ZNF475: variants seen among roughly 807,000 people sequenced by gnomAD.
ZNF475 encodes zinc finger protein 475.
At chr5:122,182,447 T>A in the ZNF475 span, 1 of 1,418,456 alleles carries the variant, frequency 7.0e-7, no homozygotes, top group Non-Finnish European at 9.3e-7. Context: ...TTTTGGTATT[T>A]TTTTTTCTTT....
At chr5:122,172,915 C>T in the ZNF475 span, among the ~76,000 whole-genome samples, 1 of 152,094 alleles carries the variant, frequency 6.6e-6, no homozygotes, top group African/African-American at 2.4e-5. Context: ...CACCTGTTGA[C>T]CCAGGTACTC....
At chr5:122,180,824 C>T in the ZNF475 span, among the ~76,000 whole-genome samples, 3 of 152,262 alleles carry the variant, frequency 2.0e-5, no homozygotes, top group East Asian at 5.8e-4. Flanking sequence ...TGCTAGATCC[C>T]AGCTACTCAC....
chr5:122,163,703 CCT>C, the ZNF475 span, among the ~76,000 whole-genome samples: 1 of 152,150 alleles, frequency 6.6e-6, no homozygotes, highest in Non-Finnish European at 1.5e-5. Context: ...CAAGATGTGC[CCT>C]GTTTTTGACA....
chr5:122,169,280 TC>T, the ZNF475 span, among the ~76,000 whole-genome samples: 1 of 152,348 alleles, frequency 6.6e-6, no homozygotes, highest in South Asian at 2.1e-4. Flanking sequence ...TGGCTTCTGA[TC>T]AAAACACTTC....
chr5:122,172,936 G>A, the ZNF475 span, among the ~76,000 whole-genome samples: 1 of 152,240 alleles, frequency 6.6e-6, no homozygotes, highest in East Asian at 1.9e-4. Context: ...GGGAGGCTGA[G>A]GCAGGAGAAT....
chr5:122,173,476 G>T, the ZNF475 span, among the ~76,000 whole-genome samples: 1 of 152,154 alleles, frequency 6.6e-6, no homozygotes, highest in African/African-American at 2.4e-5. Flanking sequence ...ACAATGAAGG[G>T]ATGGATGCCA....
the ZNF475 span, among the ~76,000 whole-genome samples, chr5:122,169,324 A>G: frequency 1.3e-5 from 2 of 152,186 alleles, no homozygotes; most frequent in South Asian, 2.1e-4. Flanking sequence ...TTGTGGCACT[A>G]TGTCCCCATA....
At chr5:122,166,589 G>A in the ZNF475 span, among the ~76,000 whole-genome samples, 1 of 151,804 alleles carries the variant, frequency 6.6e-6, no homozygotes, top group East Asian at 1.9e-4. Flanking sequence ...GAGAACATGC[G>A]GTGTTTGGTT....
chr5:122,172,813 C>T, the ZNF475 span, among the ~76,000 whole-genome samples: 1 of 152,116 alleles, frequency 6.6e-6, no homozygotes, highest in Non-Finnish European at 1.5e-5. Flanking sequence ...GCGGATGGAT[C>T]ACGAGGTCAG....
At chr5:122,169,655 A>C in the ZNF475 span, among the ~76,000 whole-genome samples, 3 of 152,182 alleles carry the variant, frequency 2.0e-5, no homozygotes, top group Non-Finnish European at 4.4e-5. Context: ...CCAAGTTTGC[A>C]CAAAACAGTC....
the ZNF475 span, among the ~76,000 whole-genome samples, chr5:122,175,591 C>T: frequency 1.3e-5 from 2 of 152,158 alleles, no homozygotes; most frequent in African/African-American, 4.8e-5. Flanking sequence ...ATTCAAATCT[C>T]TTCATTCTCT....
the ZNF475 span, among the ~76,000 whole-genome samples, chr5:122,168,479 G>A: frequency 2.2e-4 from 34 of 152,336 alleles, no homozygotes; most frequent in African/African-American, 7.5e-4. Context: ...GTGAGGCCAA[G>A]GTGGATGGAT....
the ZNF475 span, among the ~76,000 whole-genome samples, chr5:122,174,418 AT>A: frequency 6.6e-6 from 1 of 152,122 alleles, no homozygotes; most frequent in Non-Finnish European, 1.5e-5. Flanking sequence ...ACGTGGATGT[AT>A]TTTTCTCTTC....
chr5:122,167,776 C>G, the ZNF475 span, among the ~76,000 whole-genome samples: 4 of 152,170 alleles, frequency 2.6e-5, no homozygotes, highest in Non-Finnish European at 5.9e-5. Flanking sequence ...ATTTTCATTA[C>G]CTTCCAAAAT....
the ZNF475 span, among the ~76,000 whole-genome samples, chr5:122,172,621 A>G: frequency 1.3e-5 from 2 of 152,168 alleles, no homozygotes; most frequent in African/African-American, 2.4e-5. Context: ...ACCAATTTCT[A>G]TTTCATGAGG....
At chr5:122,179,761 T>C in the ZNF475 span, 34 of 1,427,962 alleles carry the variant, frequency 2.4e-5, no homozygotes, top group Non-Finnish European at 2.9e-5. Flanking sequence ...TTTGAGTGCA[T>C]AAGGGGAGAC....
chr5:122,170,998 G>A, the ZNF475 span, among the ~76,000 whole-genome samples: 1 of 152,224 alleles, frequency 6.6e-6, no homozygotes, highest in African/African-American at 2.4e-5. Context: ...GTGTCAGGAA[G>A]TAGGTGCAGA....
At chr5:122,171,044 G>A in the ZNF475 span, among the ~76,000 whole-genome samples, 1 of 152,096 alleles carries the variant, frequency 6.6e-6, no homozygotes. Flanking sequence ...CCACAGCATT[G>A]TAATTTTATG....
chr5:122,160,840 C>T, the ZNF475 span, among the ~76,000 whole-genome samples: 2 of 152,226 alleles, frequency 1.3e-5, no homozygotes, highest in South Asian at 2.1e-4. Flanking sequence ...ATCCACATTT[C>T]CTAGTGATCA....
Sources: gnomAD v4.1 joint callset for allele counts (sites outside exome capture counted in the v4.1 genomes callset) on GRCh38, gnomAD v4.1.1 for gene constraint, MANE v1.5 for transcripts, NCBI Gene and HGNC (gene_info 2026-07-23, HGNC 2026-07-21) for gene names.